GALNTL6: variants seen among roughly 807,000 people sequenced by gnomAD.
GALNTL6 encodes the protein polypeptide N-acetylgalactosaminyltransferase-like 6.
In GALNTL6, 46 loss-of-function variants were observed where a neutral mutation model predicts 73.7. That is an observed-to-expected ratio of 0.62 (90% CI 0.49 to 0.80). The LOEUF (loss-of-function observed/expected upper bound fraction) is 0.80. Ranked by LOEUF, GALNTL6 falls within the 30% of genes least tolerant of loss-of-function variation. The probability of loss-of-function intolerance (pLI) is 0.00; values close to 1 mark genes in which losing one functional copy is unlikely to be tolerated. For missense variants in GALNTL6, 604 were observed against 755.0 expected (o/e 0.80, Z 2.34); for synonymous variants, 259 against 263.7 (o/e 0.98, Z 0.17).
At chr4:172,327,300 G>A (rs1209560025) in intron 4 of GALNTL6, among the ~76,000 whole-genome samples, 1 of 152,104 alleles carries the variant, frequency 6.6e-6, no homozygotes, top group Admixed American at 6.6e-5. Flanking sequence ...ATTTGCTAAG[G>A]ACTGTTTTAT....
At chr4:171,980,537 A>G (rs1313938042) in intron 2 of GALNTL6, among the ~76,000 whole-genome samples, 1 of 152,218 alleles carries the variant, frequency 6.6e-6, no homozygotes, top group Non-Finnish European at 1.5e-5. Flanking sequence ...TACCCGCACC[A>G]CTGTGAAACT....
chr4:172,330,399 A>G (rs1741085799), intron 4 of GALNTL6, among the ~76,000 whole-genome samples: 1 of 152,112 alleles, frequency 6.6e-6, no homozygotes, highest in South Asian at 2.1e-4. Flanking sequence ...TGAGCTAGGG[A>G]GGCTCCCCTG....
intron 2 of GALNTL6, among the ~76,000 whole-genome samples, chr4:172,030,596 G>A (rs1741736215): frequency 1.3e-5 from 2 of 151,908 alleles, no homozygotes; most frequent in African/African-American, 4.8e-5. Context: ...TGTAATCCCA[G>A]CTACTCAGGA....
chr4:172,447,119 G>A (rs1249050184), intron 5 of GALNTL6, among the ~76,000 whole-genome samples: 1 of 152,094 alleles, frequency 6.6e-6, no homozygotes, highest in Admixed American at 6.6e-5. Context: ...CAAATGTGCT[G>A]TAAATAGCAT....
intron 5 of GALNTL6, among the ~76,000 whole-genome samples, chr4:172,584,370 G>T (rs768984794): frequency 2.0e-5 from 3 of 152,112 alleles, no homozygotes; most frequent in Non-Finnish European, 4.4e-5. Flanking sequence ...AAAGCATAGA[G>T]ATTTATTTAA....
At chr4:172,788,100 C>G (rs1490081479) in intron 5 of GALNTL6, among the ~76,000 whole-genome samples, 3 of 152,110 alleles carry the variant, frequency 2.0e-5, no homozygotes, top group Non-Finnish European at 1.5e-5. Flanking sequence ...AATCCCAACA[C>G]TTTGTTAGGT....
chr4:172,764,935 T>A (rs1397689397), intron 5 of GALNTL6, among the ~76,000 whole-genome samples: 1 of 152,224 alleles, frequency 6.6e-6, no homozygotes, highest in African/African-American at 2.4e-5. Context: ...AGGAAGAACT[T>A]TGTGAAGAGA....
At chr4:172,238,599 C>T (rs1737318648) in intron 3 of GALNTL6, among the ~76,000 whole-genome samples, 1 of 150,728 alleles carries the variant, frequency 6.6e-6, no homozygotes, top group African/African-American at 2.4e-5. Flanking sequence ...ATTTCTTTCT[C>T]TTGCCCAATT....
intron 5 of GALNTL6, among the ~76,000 whole-genome samples, chr4:172,665,787 T>A (rs539896855): frequency 6.6e-6 from 1 of 152,364 alleles, no homozygotes; most frequent in African/African-American, 2.4e-5. Context: ...ATTATTTCTA[T>A]GTTACTTGTT....
intron 8 of GALNTL6, among the ~76,000 whole-genome samples, chr4:172,891,679 A>C (rs1206961906): frequency 6.6e-6 from 1 of 152,014 alleles, no homozygotes; most frequent in Non-Finnish European, 1.5e-5. Flanking sequence ...TTACATTTCA[A>C]CCTCTCTAGC....
intron 7 of GALNTL6, among the ~76,000 whole-genome samples, chr4:172,816,496 G>A (rs938788111): frequency 6.6e-6 from 1 of 152,046 alleles, no homozygotes; most frequent in African/African-American, 2.4e-5. Flanking sequence ...AGGTATAAGT[G>A]TCATTTCTCA....
At chr4:171,937,429 T>C (rs1314692522) in intron 2 of GALNTL6, among the ~76,000 whole-genome samples, 1 of 152,176 alleles carries the variant, frequency 6.6e-6, no homozygotes, top group African/African-American at 2.4e-5. Flanking sequence ...AAACAATAGA[T>C]TTTTAGAAAA....
At chr4:172,284,826 A>ATTCTGTTCCATTGGTC (rs1236265429) in intron 3 of GALNTL6, among the ~76,000 whole-genome samples, 1 of 151,974 alleles carries the variant, frequency 6.6e-6, no homozygotes, top group Non-Finnish European at 1.5e-5. Flanking sequence ...TGGGTTCTCT[A>ATTCTGTTCCATTGGTC]TTCTGTTCCA....
At chr4:172,397,407 C>T (rs1561064251) in intron 5 of GALNTL6, among the ~76,000 whole-genome samples, 2 of 152,040 alleles carry the variant, frequency 1.3e-5, no homozygotes. Context: ...ATCATTGAAA[C>T]ACTGGGAGCC....
chr4:172,060,551 C>T (rs1037305627), intron 2 of GALNTL6, among the ~76,000 whole-genome samples: 15 of 151,740 alleles, frequency 9.9e-5, no homozygotes, highest in Non-Finnish European at 1.5e-5. Flanking sequence ...AAAAATAAAA[C>T]ATTTTATTTC....
At chr4:172,547,588 C>A (rs981328368) in intron 5 of GALNTL6, among the ~76,000 whole-genome samples, 2 of 152,106 alleles carry the variant, frequency 1.3e-5, no homozygotes, top group African/African-American at 4.8e-5. Flanking sequence ...ATGAGTAACT[C>A]AGCAACCTTT....
chr4:172,503,585 T>G (rs1309072634), intron 5 of GALNTL6, among the ~76,000 whole-genome samples: 1 of 143,054 alleles, frequency 7.0e-6, no homozygotes, highest in African/African-American at 2.7e-5. Flanking sequence ...GTGGTTCTAG[T>G]TGGCACTTCA....
At chr4:172,855,002 A>G (rs924489039) in intron 7 of GALNTL6, among the ~76,000 whole-genome samples, 11 of 152,208 alleles carry the variant, frequency 7.2e-5, no homozygotes, top group Admixed American at 3.3e-4. Flanking sequence ...CAGTAAATCT[A>G]GAACACATTT....
chr4:172,756,762 T>G (rs1009734340), intron 5 of GALNTL6, among the ~76,000 whole-genome samples: 2 of 152,190 alleles, frequency 1.3e-5, no homozygotes, highest in Non-Finnish European at 2.9e-5. Context: ...ACAAAGACAT[T>G]GTTGTATACC....
Sources: allele counts gnomAD v4.1 joint callset (sites outside exome capture counted in the v4.1 genomes callset), GRCh38; gene constraint gnomAD v4.1.1; transcripts MANE v1.5; gene names NCBI Gene and HGNC (gene_info 2026-07-23, HGNC 2026-07-21).